Variants in PIK3C2G observed in about 807,000 individuals in gnomAD.
PIK3C2G encodes the protein phosphatidylinositol-4-phosphate 3-kinase catalytic subunit type 2 gamma.
Under a neutral mutation model 181.1 loss-of-function variants are expected in PIK3C2G, and 168 were observed. The ratio of observed to expected loss-of-function variants is 0.93; its 90% confidence interval spans 0.82 to 1.05. The LOEUF (loss-of-function observed/expected upper bound fraction) is 1.05, where lower values mean the gene tolerates loss of function less well. PIK3C2G is among the 50% of genes least tolerant of loss of function. PIK3C2G has a pLI of 0.00. For synonymous variants in PIK3C2G, 573 were observed against 592.2 expected, an observed-to-expected ratio of 0.97 and a Z score of 0.47; for missense variants, 1,869 against 1,732.8, an observed-to-expected ratio of 1.08 and a Z score of -1.40.
At chr12:18,670,595 G>C in the PIK3C2G span, among the ~76,000 whole-genome samples, 1 of 152,062 alleles carries the variant, frequency 6.6e-6, no homozygotes, top group Admixed American at 6.5e-5. Flanking sequence ...GGTTAACTTC[G>C]TTTCTGCATA....
intron 7 of PIK3C2G, among the ~76,000 whole-genome samples, chr12:18,324,791 G>A (rs763538150): frequency 6.6e-5 from 10 of 152,138 alleles, no homozygotes; most frequent in Non-Finnish European, 1.0e-4. Flanking sequence ...GAGAGGTTTG[G>A]TTAATTTATC....
intron 18 of PIK3C2G, among the ~76,000 whole-genome samples, chr12:18,434,445 A>G (rs1173145310): frequency 1.3e-5 from 2 of 151,886 alleles, no homozygotes; most frequent in African/African-American, 4.8e-5. Context: ...TAATCATAGA[A>G]TCATAGAAAG....
chr12:18,667,993 G>T, the PIK3C2G span, among the ~76,000 whole-genome samples: 3 of 152,032 alleles, frequency 2.0e-5, no homozygotes, highest in African/African-American at 7.2e-5. Context: ...AAAGGCAAAA[G>T]ATTTTTACCT....
intron 18 of PIK3C2G, among the ~76,000 whole-genome samples, chr12:18,446,185 T>C (rs1947015835): frequency 6.6e-6 from 1 of 152,146 alleles, no homozygotes; most frequent in Admixed American, 6.6e-5. Context: ...TTTAATCATA[T>C]GGAAGGGAAT....
chr12:18,336,557 A>G (rs1161037956), intron 8 of PIK3C2G, among the ~76,000 whole-genome samples: 1 of 152,134 alleles, frequency 6.6e-6, no homozygotes, highest in African/African-American at 2.4e-5. Flanking sequence ...TTTTGATTCT[A>G]TTTAATTGTG....
intron 23 of PIK3C2G, among the ~76,000 whole-genome samples, chr12:18,503,626 T>C (rs1344600358): frequency 6.6e-6 from 1 of 152,172 alleles, no homozygotes; most frequent in Non-Finnish European, 1.5e-5. Context: ...GTGAAATTCC[T>C]GGTTATCAAT....
chr12:18,562,525 A>G (rs934862523), intron 26 of PIK3C2G, among the ~76,000 whole-genome samples, 178 bp from the exon 27 acceptor site: 2 of 152,062 alleles, frequency 1.3e-5, no homozygotes, highest in African/African-American at 4.8e-5. Context: ...TTTGCTAACA[A>G]CTCCAGATGC....
chr12:18,427,540 A>C (rs530301288), intron 18 of PIK3C2G, among the ~76,000 whole-genome samples: 2 of 151,162 alleles, frequency 1.3e-5, no homozygotes. Context: ...TATATTAAAA[A>C]TATAATAAAA....
intron 16 of PIK3C2G, among the ~76,000 whole-genome samples, chr12:18,417,261 C>G (rs1351536281): frequency 6.6e-6 from 1 of 152,120 alleles, no homozygotes; most frequent in Non-Finnish European, 1.5e-5. Flanking sequence ...AGAGTGGTTT[C>G]TTGAGATAGA....
the PIK3C2G span, among the ~76,000 whole-genome samples, chr12:18,669,280 C>A: frequency 6.6e-6 from 1 of 152,150 alleles, no homozygotes; most frequent in Non-Finnish European, 1.5e-5. Flanking sequence ...TCCTCTTAAC[C>A]ACTGCACTAT....
At chr12:18,560,588 A>C (rs1257491640) in intron 26 of PIK3C2G, among the ~76,000 whole-genome samples, 1 of 152,054 alleles carries the variant, frequency 6.6e-6, no homozygotes, top group East Asian at 1.9e-4. Flanking sequence ...GAAGGTAAAA[A>C]CAGAGAGGAC....
At chr12:18,415,557 C>T (rs530222852) in intron 16 of PIK3C2G, among the ~76,000 whole-genome samples, 18 of 152,260 alleles carry the variant, frequency 1.2e-4, no homozygotes, top group African/African-American at 4.3e-4. Context: ...TCTAAGTAGT[C>T]ACGTGAAAGG....
At chr12:18,501,726 A>G (rs1311884172) in intron 22 of PIK3C2G, among the ~76,000 whole-genome samples, 2 of 152,236 alleles carry the variant, frequency 1.3e-5, no homozygotes, top group Non-Finnish European at 2.9e-5. Flanking sequence ...TAAATTAGAT[A>G]CAAGGTTTTC....
chr12:18,256,004 A>G (rs545220160), intron 1 of PIK3C2G, among the ~76,000 whole-genome samples: 1 of 152,304 alleles, frequency 6.6e-6, no homozygotes, highest in African/African-American at 2.4e-5. Context: ...TTATTTGTCC[A>G]TTACTGCTAT....
intron 11 of PIK3C2G, among the ~76,000 whole-genome samples, chr12:18,354,062 A>C (rs1940480046): frequency 6.6e-6 from 1 of 152,094 alleles, no homozygotes; most frequent in Non-Finnish European, 1.5e-5. Flanking sequence ...TAACCAAATC[A>C]CTCTGTCACT....
chr12:18,691,504 T>C, the PIK3C2G span, among the ~76,000 whole-genome samples: 1 of 152,002 alleles, frequency 6.6e-6, no homozygotes, highest in Non-Finnish European at 1.5e-5. Flanking sequence ...TTAGTTAACA[T>C]AAATATCTTA....
chr12:18,360,388 C>A (rs1256941119), intron 11 of PIK3C2G, among the ~76,000 whole-genome samples: 1 of 152,040 alleles, frequency 6.6e-6, no homozygotes, highest in African/African-American at 2.4e-5. Flanking sequence ...AAATGCTACA[C>A]CAGAGTTAAA....
At chr12:18,514,560 T>C (rs1942414799) in intron 24 of PIK3C2G, among the ~76,000 whole-genome samples, 1 of 151,952 alleles carries the variant, frequency 6.6e-6, no homozygotes, top group Non-Finnish European at 1.5e-5. Flanking sequence ...TACTGGCATA[T>C]AGAATTGCTA....
intron 16 of PIK3C2G, among the ~76,000 whole-genome samples, chr12:18,417,796 A>G (rs995692655): frequency 7.9e-5 from 12 of 151,266 alleles, no homozygotes; most frequent in Admixed American, 3.3e-4. Context: ...TGATATTTTT[A>G]CTTTATTGTG....
Sources: gnomAD v4.1 joint callset for allele counts (sites outside exome capture counted in the v4.1 genomes callset) on GRCh38, gnomAD v4.1.1 for gene constraint, MANE v1.5 for transcripts, NCBI Gene and HGNC (gene_info 2026-07-23, HGNC 2026-07-21) for gene names.